The following ADGRB1 variants were observed in gnomAD, a reference collection of about 807,000 sequenced individuals.
The protein encoded by ADGRB1 is brain-specific angiogenesis inhibitor 1.
A neutral mutation model predicts 175.7 loss-of-function variants in ADGRB1; 36 were observed. The observed-to-expected ratio is 0.20, with a 90% CI of 0.16 to 0.27. ADGRB1 has a LOEUF of 0.27. Among genes scored for constraint, ADGRB1 ranks in the 10% least tolerant of loss-of-function variants. The probability of loss-of-function intolerance (pLI) is 1.00; values close to 1 mark genes in which losing one functional copy is unlikely to be tolerated. For missense variants in ADGRB1, 1,731 were observed against 2,255.3 expected, an observed-to-expected ratio of 0.77 and a Z score of 4.71; for synonymous variants, 1,054 against 979.4, an observed-to-expected ratio of 1.08 and a Z score of -1.42.
chr8:142,499,273 C>T (rs1463908910), intron 17 of ADGRB1, among the ~76,000 whole-genome samples: 3 of 152,246 alleles, frequency 2.0e-5, no homozygotes, highest in Non-Finnish European at 2.9e-5. Context: ...TGACTTCCCC[C>T]TCCTCTAGTC....
rs752157607 is a variant in ADGRB1, at chr8:142,544,408, C to A, written c.4746C>A (p.Thr1582=). The A allele has an allele frequency of 1.3e-6, 2 of 1,495,142 alleles. No individual in the cohort carries two copies. Among genetic ancestry groups the A allele is most frequent in the East Asian group, 2.5e-5 (1 of 40,266 alleles). 92.6% of individuals were successfully genotyped at this position (1,495,142 alleles called of 1,614,324 possible). The change falls in exon 31 of 31, where the codon ACC becomes ACA. Residue 1582 remains threonine, a synonymous_variant. Coordinates refer to ENST00000517894, the MANE Select transcript of ADGRB1 (RefSeq NM_001702.3). ...LVGQDIIDLQ[T]EV is the part of the protein sequence containing the mutation. ...GCCAGGACATCATCGACCTCCAGAC[C>A]GAGGTCTGAGCGGGTGGGCGGCGGC...
intron 17 of ADGRB1, among the ~76,000 whole-genome samples, chr8:142,491,157 G>T (rs977463817): frequency 6.6e-6 from 1 of 152,266 alleles, no homozygotes; most frequent in African/African-American, 2.4e-5. Flanking sequence ...CAGGTCTGCA[G>T]GTGGGTGCCA....
chr8:142,531,985 G>C (rs1844648024), intron 24 of ADGRB1, among the ~76,000 whole-genome samples: 1 of 152,164 alleles, frequency 6.6e-6, no homozygotes, highest in African/African-American at 2.4e-5. Context: ...CTGAGGAGCA[G>C]AGCGTGTGGT....
intron 16 of ADGRB1, among the ~76,000 whole-genome samples, chr8:142,489,735 G>C (rs1304243417): frequency 6.6e-6 from 1 of 152,142 alleles, no homozygotes; most frequent in Non-Finnish European, 1.5e-5. Flanking sequence ...CTGAGAAGTG[G>C]AGCCCGTCCC....
rs756770884 is a variant in ADGRB1, at chr8:142,537,125, C to T, written c.3666+43C>T. On this transcript the variant is annotated intron_variant, in intron 26 of 30. Coordinates refer to ENST00000517894, the MANE Select transcript of ADGRB1 (RefSeq NM_001702.3). The surrounding 1 kb of genome is among the most constrained non-coding windows in gnomAD (Gnocchi z 4.6). ...GGGACTCAGGCTGCCCTACCTGCCT[C>T]GTACCCCCGCCAAGTGCCTCCAGGC... The T allele has an allele frequency of 3.3e-5, 46 of 1,384,580 alleles. No homozygotes were observed. The East Asian group carries it at 1.1e-3, about 33-fold the overall frequency. 85.8% of individuals were successfully genotyped at this position (1,384,580 alleles called of 1,614,324 possible).
At chr8:142,501,891 AG>A (rs1842577700) in intron 17 of ADGRB1, among the ~76,000 whole-genome samples, 3 of 4,660 alleles carry the variant, frequency 6.4e-4, no homozygotes, top group Admixed American at 2.1e-3. Context: ...GGTGATGGTG[AG>A]GGTGATGTGG....
At position 142,464,319 on chromosome 8, in the gene ADGRB1, G is replaced by C; in HGVS notation, c.121G>C (p.Glu41Gln). The C allele has an allele frequency of 2.0e-6, 3 of 1,486,582 alleles. No individual in the cohort carries two copies. The highest frequency in any genetic ancestry group is 2.7e-6 in the Non-Finnish European group (3 of 1,124,918). The allele number at this position is 1,486,582 out of a possible 1,614,324, so 92.1% of individuals were successfully genotyped here. A position where few individuals can be genotyped will look rare whatever the true frequency, so the allele number is the denominator to read the frequency against. ...AAGADAGPGP[E>Q]PCATLVQGKF... ...CGGAGCAGACGCGGGGCCCGGGCCC[G>C]AGCCGTGCGCCACGCTGGTGCAGGG... The change falls in exon 2 of 31, where the codon GAG (glutamate) becomes CAG (glutamine). Residue 41 changes from glutamate to glutamine, a missense_variant. Physicochemically the swap from Glu to Gln is conservative, Grantham distance 29. Around this residue, in one of 8 missense-constraint regions of ADGRB1, gnomAD observed 383 missense variants for 383.1 expected, o/e 1.00. Coordinates refer to ENST00000517894, the MANE Select transcript of ADGRB1 (RefSeq NM_001702.3).
intron 1 of ADGRB1, among the ~76,000 whole-genome samples, chr8:142,459,908 C>T (rs577007953): frequency 6.6e-6 from 1 of 152,342 alleles, no homozygotes; most frequent in South Asian, 2.1e-4. Flanking sequence ...GCAGAGGGAC[C>T]CACTCATCCT....
At chr8:142,487,439 T>C (rs1374920789) in intron 13 of ADGRB1, among the ~76,000 whole-genome samples, 1 of 152,170 alleles carries the variant, frequency 6.6e-6, no homozygotes, top group East Asian at 1.9e-4. Context: ...TGCCCTCCAC[T>C]GGGGCTGCCA....
chr8:142,468,483 C>T (rs1840407971), intron 2 of ADGRB1, among the ~76,000 whole-genome samples: 1 of 152,216 alleles, frequency 6.6e-6, no homozygotes. Flanking sequence ...AGTTCGGACC[C>T]TAGTGCCCAC....
At chr8:142,489,500 C>T (rs1230442427) in intron 16 of ADGRB1, 62 bp downstream of exon 16, 14 of 1,541,826 alleles carry the variant, frequency 9.1e-6, no homozygotes, top group Admixed American at 1.7e-5. Flanking sequence ...GAATTCTGTC[C>T]CACTCCTCAG....
At chr8:142,453,215 G>A (rs1040977334) in intron 1 of ADGRB1, among the ~76,000 whole-genome samples, 1 of 152,176 alleles carries the variant, frequency 6.6e-6, no homozygotes, top group Non-Finnish European at 1.5e-5. Context: ...GTGCGTGCCC[G>A]TCCGGGAGGC....
At chr8:142,526,247 G>T (rs974874766) in intron 23 of ADGRB1, among the ~76,000 whole-genome samples, 1 of 152,196 alleles carries the variant, frequency 6.6e-6, no homozygotes, top group South Asian at 2.1e-4. Flanking sequence ...AGGCTGGCAG[G>T]GGCCTCCGGG....
chr8:142,528,459 G>C (rs946999038), intron 24 of ADGRB1, among the ~76,000 whole-genome samples: 1 of 152,216 alleles, frequency 6.6e-6, no homozygotes, highest in African/African-American at 2.4e-5. Flanking sequence ...TGAGGGGCTG[G>C]TTTTGCACTT....
At chr8:142,499,882 G>A (rs1842406386) in intron 17 of ADGRB1, among the ~76,000 whole-genome samples, 1 of 151,906 alleles carries the variant, frequency 6.6e-6, no homozygotes, top group South Asian at 2.1e-4. Context: ...ACCTGGACCA[G>A]AAGCTGGCAC....
At chr8:142,487,916 G>C (rs1352112702) in intron 13 of ADGRB1, among the ~76,000 whole-genome samples, 1 of 152,226 alleles carries the variant, frequency 6.6e-6, no homozygotes, top group African/African-American at 2.4e-5. Flanking sequence ...TACAGAGGGA[G>C]GGGAGGCGGG....
chr8:142,522,779 G>A, intron 22 of ADGRB1, 69 bp downstream of exon 22: 4 of 1,367,532 alleles, frequency 2.9e-6, no homozygotes, highest in Middle Eastern at 1.8e-4. Flanking sequence ...CGCCCTGGAG[G>A]GTGAGGGCTG....
At chr8:142,520,271 ATGG>A (rs1222587893) in intron 19 of ADGRB1, among the ~76,000 whole-genome samples, 16 of 124,922 alleles carry the variant, frequency 1.3e-4, no homozygotes, top group African/African-American at 2.2e-4. Context: ...GGTGATGGTG[ATGG>A]TGGTAGTGAT....
chr8:142,517,373 C>T (rs945330898), intron 18 of ADGRB1, among the ~76,000 whole-genome samples: 6 of 152,246 alleles, frequency 3.9e-5, no homozygotes, highest in African/African-American at 1.4e-4. Context: ...GACACCCCAG[C>T]TCCCACACTC....
Sources: allele counts gnomAD v4.1 joint callset (sites outside exome capture counted in the v4.1 genomes callset), GRCh38; gene constraint gnomAD v4.1.1; regional missense constraint gnomAD v4.1.1; non-coding constraint Gnocchi (gnomAD v3.1); transcripts MANE v1.5; gene names NCBI Gene and HGNC (gene_info 2026-07-23, HGNC 2026-07-21).